The following SPTBN1 variants were observed in gnomAD, a reference collection of about 807,000 sequenced individuals.
SPTBN1 encodes the protein spectrin beta, non-erythrocytic 1.
A neutral mutation model predicts 266.4 loss-of-function variants in SPTBN1; 32 were observed. The ratio of observed to expected loss-of-function variants is 0.12; its 90% CI spans 0.09 to 0.16. The LOEUF (loss-of-function observed/expected upper bound fraction) is 0.16. SPTBN1 is among the 10% of genes least tolerant of loss of function. The pLI, the probability that SPTBN1 is intolerant of heterozygous loss-of-function variation, is 1.00. For synonymous variants in SPTBN1, 1,336 were observed against 1,162.2 expected, an observed-to-expected ratio of 1.15 and a Z score of -3.04; for missense variants, 2,296 against 3,067.1, an observed-to-expected ratio of 0.75 and a Z score of 5.94.
chr2:54,558,434 C>T lies in SPTBN1; in HGVS notation c.148+31868C>T, dbSNP rs1673030737. ...CCCGCGAGCTCCCGGGCTCGGCAAC[C>T]GTGGCATGCTTAGGATTGGCCATAT... is the stretch of plus-strand genomic sequence containing the variant. On this transcript the variant is annotated intron_variant, in intron 2 of 35. Transcript: ENST00000356805. The surrounding 1 kb of genome is among the most constrained non-coding windows in gnomAD (Gnocchi z 4.6). 1 of 1,025,124 alleles carries T rather than the reference C, an allele frequency of 9.8e-7. No individual in the cohort carries two copies. Among genetic ancestry groups the T allele is most frequent in the African/African-American group, 1.7e-5 (1 of 58,606 alleles). 63.5% of individuals were successfully genotyped at this position (1,025,124 alleles called of 1,614,324 possible). A position where few individuals can be genotyped will look rare whatever the true frequency, so the allele number is the denominator to read the frequency against.
In SPTBN1 at chr2:54,630,896, C is replaced by G. The variant is rs1678687473; in HGVS notation, c.2849C>G (p.Ala950Gly). The change falls in exon 16 of 36, where the codon GCC becomes GGC. Residue 950 changes from alanine to glycine, a missense_variant. Coordinates refer to ENST00000356805, the MANE Select transcript of SPTBN1 (RefSeq NM_003128.3). ...GAACTGGTTGACAGGAAGAAGGATG[C>G]CCTCCTGTCTGCCCTGAGCATCCAG... ...FRELVDRKKD[A>G]LLSALSIQNY... 1.2e-6 allele frequency: 2 copies of G among 1,608,642 alleles called. No homozygotes were observed. Among genetic ancestry groups the G allele is most frequent in the Non-Finnish European group, 1.7e-6 (2 of 1,176,840 alleles).
Position 54,628,601 on chromosome 2 carries a change from G to T in SPTBN1, c.1799-332G>T, listed in dbSNP as rs1392329399. On this transcript the variant is annotated intron_variant, in intron 13 of 35. Transcript: ENST00000356805. The surrounding 1 kb of genome is among the most constrained non-coding windows in gnomAD (Gnocchi z 4.3). ...TGGTTGCATATACCTCTCTTTGGAG[G>T]ATGTTTAGAATGATTTGGTTATGCT... Among the ~76,000 whole-genome samples the T allele has an allele frequency of 6.6e-6, 1 of 152,146 alleles. No homozygotes were observed. The highest frequency in any genetic ancestry group is 1.9e-4 in the East Asian group (1 of 5,194).
chr2:54,601,590 A>T (rs1293768110), intron 3 of SPTBN1, among the ~76,000 whole-genome samples: 1 of 152,284 alleles, frequency 6.6e-6, no homozygotes. Flanking sequence ...TCATCAGATA[A>T]CATTAGCTGG....
chr2:54,575,743 C>T (rs1420387870), intron 2 of SPTBN1, among the ~76,000 whole-genome samples: 2 of 152,182 alleles, frequency 1.3e-5, no homozygotes, highest in African/African-American at 2.4e-5. Context: ...GACTCAGTGG[C>T]GTGAAGGCTC....
chr2:54,529,848 TCACCAAAAA>T, intron 2 of SPTBN1: 1 of 141,198 alleles, frequency 7.1e-6, no homozygotes, highest in Non-Finnish European at 1.3e-5. Context: ...ATATCTCTTT[TCACCAAAAA>T]AAAAAAAAAA....
intron 8 of SPTBN1, 110 bp downstream of exon 8, chr2:54,621,622 C>T (rs992688781): frequency 1.5e-5 from 11 of 755,226 alleles, no homozygotes; most frequent in Admixed American, 8.5e-5. Flanking sequence ...GTGGACTCTC[C>T]GGATGGTAGG....
Position 54,671,435 on chromosome 2 carries a change from T to C in SPTBN1, c.*2866T>C, listed in dbSNP as rs754503821. ...CAGTCGGAATTCTTAAATAAAGACA[T>C]ACTTCCCTTCATGTAGTGGTGCAGT... is the stretch of plus-strand genomic sequence containing the variant. On this transcript the variant is annotated 3_prime_UTR_variant, in exon 36 of 36. Transcript: ENST00000356805. The C allele has an allele frequency of 6.6e-6, 1 of 152,246 alleles. No homozygotes were observed. Among genetic ancestry groups the C allele is most frequent in the African/African-American group, 2.4e-5 (1 of 41,466 alleles). 9.4% of individuals were successfully genotyped at this position (152,246 alleles called of 1,614,324 possible). A position where few individuals can be genotyped will look rare whatever the true frequency, so the allele number is the denominator to read the frequency against.
chr2:54,517,710 A>G (rs941048779), intron 1 of SPTBN1, among the ~76,000 whole-genome samples: 6 of 149,798 alleles, frequency 4.0e-5, no homozygotes, highest in African/African-American at 1.2e-4. Context: ...TAGTAGCGCT[A>G]TCTCAGCTCA....
At chr2:54,625,416 C>CTAG (rs897203981) in intron 11 of SPTBN1, among the ~76,000 whole-genome samples, 2 of 152,022 alleles carry the variant, frequency 1.3e-5, no homozygotes, top group Non-Finnish European at 2.9e-5. Flanking sequence ...TGAGCAGTTA[C>CTAG]TAGTTTGCTT....
intron 1 of SPTBN1, chr2:54,516,092 T>C (rs772936476): frequency 6.6e-6 from 1 of 152,198 alleles, no homozygotes; most frequent in Non-Finnish European, 1.5e-5. Flanking sequence ...TTGATATTTT[T>C]CTGACATAGA....
At chr2:54,569,429 A>G (rs1033157676) in intron 2 of SPTBN1, among the ~76,000 whole-genome samples, 9 of 152,238 alleles carry the variant, frequency 5.9e-5, no homozygotes, top group Non-Finnish European at 1.0e-4. Flanking sequence ...AGAAAAGTGA[A>G]AGAATAGTTC....
chr2:54,493,691 C>T (rs6728822), intron 1 of SPTBN1, among the ~76,000 whole-genome samples: 4,865 of 152,298 alleles, frequency 0.032, 297 homozygotes, highest in African/African-American at 0.11. Context: ...CATGAGCCAC[C>T]ACACCTGGCC....
intron 1 of SPTBN1, among the ~76,000 whole-genome samples, chr2:54,464,823 G>A (rs936191685): frequency 6.6e-6 from 1 of 152,062 alleles, no homozygotes; most frequent in Non-Finnish European, 1.5e-5. Flanking sequence ...CCAAGTAGTT[G>A]CAGGCGTGTA....
At chr2:54,619,083 T>C (rs1292619177) in intron 7 of SPTBN1, among the ~76,000 whole-genome samples, 1 of 152,178 alleles carries the variant, frequency 6.6e-6, no homozygotes, top group Non-Finnish European at 1.5e-5. Flanking sequence ...TGAACAAATA[T>C]TAGAGAGGAA....
intron 10 of SPTBN1, among the ~76,000 whole-genome samples, chr2:54,624,145 A>T (rs1339673616): frequency 3.3e-5 from 5 of 150,996 alleles, no homozygotes; most frequent in African/African-American, 7.3e-5. Flanking sequence ...GCTCATTAAA[A>T]TTTTTTTTTT....
chr2:54,650,403 G>C (rs903228003), intron 26 of SPTBN1, among the ~76,000 whole-genome samples: 1 of 152,142 alleles, frequency 6.6e-6, no homozygotes, highest in South Asian at 2.1e-4. Flanking sequence ...ATCATGCCTC[G>C]TCCCCAGTAT....
At chr2:54,633,746 C>T (rs1287864441) in intron 17 of SPTBN1, among the ~76,000 whole-genome samples, 1 of 152,146 alleles carries the variant, frequency 6.6e-6, no homozygotes, top group East Asian at 1.9e-4. Context: ...TATTCCTTTG[C>T]TTACCACATC....
At chr2:54,487,754 A>C (rs537456895) in intron 1 of SPTBN1, among the ~76,000 whole-genome samples, 1 of 152,118 alleles carries the variant, frequency 6.6e-6, no homozygotes, top group African/African-American at 2.4e-5. Context: ...TCAAAGTCAA[A>C]AGTTGGTCAG....
At chr2:54,660,868 GC>G in intron 32 of SPTBN1, 1 of 985,440 alleles carries the variant, frequency 1.0e-6, no homozygotes, top group Non-Finnish European at 1.2e-6. Context: ...GCAGGTGACA[GC>G]CGTTCTCAGC....
Sources: gnomAD v4.1 joint callset for allele counts (sites outside exome capture counted in the v4.1 genomes callset) on GRCh38, gnomAD v4.1.1 for gene constraint, Gnocchi (gnomAD v3.1) non-coding constraint, MANE v1.5 for transcripts, NCBI Gene and HGNC (gene_info 2026-07-23, HGNC 2026-07-21) for gene names.